SOBP: variants seen among roughly 807,000 people sequenced by gnomAD.
SOBP encodes sine oculis-binding protein homolog.
In SOBP, 4 loss-of-function variants were observed where a neutral mutation model predicts 53.6. The ratio of observed to expected loss-of-function variants is 0.07; its 90% CI spans 0.04 to 0.17. SOBP has a LOEUF of 0.17. SOBP is among the 10% of genes least tolerant of loss of function. The pLI is 1.00. For missense variants in SOBP, 1,088 were observed against 1,204.7 expected (o/e 0.90, Z 1.43); for synonymous variants, 584 against 522.6 (o/e 1.12, Z -1.60).
chr6:107,553,403 A>G (rs1784522295), intron 4 of SOBP, among the ~76,000 whole-genome samples: 1 of 151,564 alleles, frequency 6.6e-6, no homozygotes, highest in South Asian at 2.1e-4. Context: ...ATCTCGGCTC[A>G]CTGCAACCTC....
At chr6:107,595,350 C>CTTTTTTTTTTTTTT (rs745477007) in intron 5 of SOBP, among the ~76,000 whole-genome samples, 1 of 88,122 alleles carries the variant, frequency 1.1e-5, no homozygotes, top group Non-Finnish European at 2.0e-5. Context: ...GATTTTGATC[C>CTTTTTTTTTTTTTT]TTTTTTTTTT....
At chr6:107,524,221 A>AT (rs768345834) in intron 3 of SOBP, among the ~76,000 whole-genome samples, 9 of 152,170 alleles carry the variant, frequency 5.9e-5, no homozygotes, top group Non-Finnish European at 1.2e-4. Flanking sequence ...TTGGTTTTCT[A>AT]TGAGTGGTAG....
At chr6:107,653,794 A>G (rs184770086) in intron 6 of SOBP, among the ~76,000 whole-genome samples, 1 of 152,304 alleles carries the variant, frequency 6.6e-6, no homozygotes, top group East Asian at 1.9e-4. Context: ...TAAGACAGAC[A>G]TTTTTCTCTG....
intron 3 of SOBP, among the ~76,000 whole-genome samples, chr6:107,526,597 T>G (rs977595832): frequency 2.4e-4 from 36 of 152,224 alleles, no homozygotes; most frequent in African/African-American, 8.7e-4. Context: ...TACTGCATTC[T>G]GCCTGTCATA....
chr6:107,649,015 C>T (rs1296293614), intron 6 of SOBP, among the ~76,000 whole-genome samples: 1 of 151,490 alleles, frequency 6.6e-6, no homozygotes, highest in African/African-American at 2.4e-5. Flanking sequence ...CCCATCTCTA[C>T]AAAAAATTTA....
chr6:107,571,929 CTG>C (rs1454745678), intron 4 of SOBP, among the ~76,000 whole-genome samples: 1 of 152,140 alleles, frequency 6.6e-6, no homozygotes, highest in Non-Finnish European at 1.5e-5. Flanking sequence ...GAGCAGCTTC[CTG>C]TGACAAGGCA....
rs1431272113 is a variant in SOBP at position 107,659,329 on chromosome 6, C to T, written c.*1126C>T. On this transcript the variant is annotated 3_prime_UTR_variant, in exon 7 of 7. Transcript: ENST00000317357. ...AGAAATGTGCAATTCGATCCTCAATCAGTGGGTGGAGGATAACAGGGTAGA... is the reference window on the plus strand; with the variant it reads ...AGAAATGTGCAATTCGATCCTCAATTAGTGGGTGGAGGATAACAGGGTAGA... The T allele has an allele frequency of 6.6e-6, 1 of 152,578 alleles. No individual in the cohort carries two copies. The highest frequency in any genetic ancestry group is 2.4e-5 in the African/African-American group (1 of 41,430). 9.5% of individuals were successfully genotyped at this position (152,578 alleles called of 1,614,324 possible). A position where few individuals can be genotyped will look rare whatever the true frequency, so the allele number is the denominator to read the frequency against.
intron 3 of SOBP, among the ~76,000 whole-genome samples, chr6:107,532,265 ACACACAC>A (rs1348266267): frequency 1.3e-5 from 2 of 150,514 alleles, no homozygotes; most frequent in Non-Finnish European, 3.0e-5. Context: ...ACACACACAC[ACACACAC>A]CACACACACA....
intron 5 of SOBP, among the ~76,000 whole-genome samples, chr6:107,615,213 G>C (rs1443319403): frequency 1.3e-5 from 2 of 152,176 alleles, no homozygotes; most frequent in Non-Finnish European, 2.9e-5. Flanking sequence ...ATGGTCTTCA[G>C]ACATTTGAAG....
chr6:107,519,515 G>A (rs1366726501), intron 3 of SOBP, among the ~76,000 whole-genome samples: 3 of 152,008 alleles, frequency 2.0e-5, no homozygotes, highest in Admixed American at 6.6e-5. Context: ...TACTTGCCTC[G>A]CACCTGTGGC....
chr6:107,574,725 A>G (rs1583227627), intron 4 of SOBP, among the ~76,000 whole-genome samples: 2 of 152,120 alleles, frequency 1.3e-5, no homozygotes, highest in African/African-American at 2.4e-5. Flanking sequence ...CCCCAAGTCC[A>G]GAACACATGG....
At chr6:107,505,744 A>G (rs1043385131) in intron 2 of SOBP, among the ~76,000 whole-genome samples, 4 of 152,098 alleles carry the variant, frequency 2.6e-5, no homozygotes, top group African/African-American at 9.7e-5. Flanking sequence ...TCGGCCTCGC[A>G]GATTCAAGTG....
At chr6:107,531,603 C>T (rs1783826292) in intron 3 of SOBP, among the ~76,000 whole-genome samples, 1 of 151,646 alleles carries the variant, frequency 6.6e-6, no homozygotes, top group Non-Finnish European at 1.5e-5. Flanking sequence ...TAAATAAAAG[C>T]TTGCTTTTAT....
At chr6:107,561,863 A>G (rs1479911371) in intron 4 of SOBP, among the ~76,000 whole-genome samples, 1 of 152,170 alleles carries the variant, frequency 6.6e-6, no homozygotes, top group Non-Finnish European at 1.5e-5. Flanking sequence ...AAAAAGGAGT[A>G]AGAACGACAG....
intron 1 of SOBP, among the ~76,000 whole-genome samples, chr6:107,502,822 G>A (rs970223544): frequency 2.2e-4 from 33 of 151,988 alleles, no homozygotes; most frequent in African/African-American, 7.5e-4. Flanking sequence ...GTGCAGTGGT[G>A]TGATCTCAGC....
At chr6:107,515,127 T>A (rs1783280106) in intron 3 of SOBP, 1 of 152,236 alleles carries the variant, frequency 6.6e-6, no homozygotes, top group Non-Finnish European at 1.5e-5. Context: ...AGAGTTTCTT[T>A]GACAGAGACG....
intron 5 of SOBP, among the ~76,000 whole-genome samples, chr6:107,612,855 G>A (rs1169977211): frequency 1.3e-5 from 2 of 152,104 alleles, no homozygotes; most frequent in Non-Finnish European, 2.9e-5. Context: ...GGCCTTTTTA[G>A]TCTGGTTTAT....
At chr6:107,633,249 T>G (rs1367153094) in intron 5 of SOBP, among the ~76,000 whole-genome samples, 1 of 152,220 alleles carries the variant, frequency 6.6e-6, no homozygotes, top group Non-Finnish European at 1.5e-5. Flanking sequence ...AGAACCATCT[T>G]TAAGTCATGC....
At chr6:107,572,678 T>G (rs1305620920) in intron 4 of SOBP, among the ~76,000 whole-genome samples, 3 of 152,240 alleles carry the variant, frequency 2.0e-5, no homozygotes, top group Admixed American at 6.5e-5. Context: ...GTTTATCTTT[T>G]CTGCTCCTCT....
Sources: allele counts gnomAD v4.1 joint callset (sites outside exome capture counted in the v4.1 genomes callset), GRCh38; gene constraint gnomAD v4.1.1; transcripts MANE v1.5; gene names NCBI Gene and HGNC (gene_info 2026-07-23, HGNC 2026-07-21).